Variants in ATE1 observed in about 807,000 individuals in gnomAD.
The protein encoded by ATE1 is arginyltransferase 1, also known as arginyl-tRNA--protein transferase 1.
ATE1 carries 36 observed loss-of-function variants against 70.5 expected under a neutral mutation model. That is an observed-to-expected ratio of 0.51 (90% CI 0.39 to 0.67). The LOEUF (loss-of-function observed/expected upper bound fraction) is 0.67. ATE1 is among the 30% of genes least tolerant of loss of function. ATE1 has a pLI of 0.00. For synonymous variants in ATE1, 232 were observed against 219.3 expected (o/e 1.06, Z -0.51); for missense variants, 593 against 629.5 (o/e 0.94, Z 0.62).
At position 121,859,808 on chromosome 10, in the gene ATE1, G is replaced by A. The variant is rs574092028; in HGVS notation, c.975+10198C>T. ...AATACAAAAATTAGCCAGGCATGGTGGCAGGTGCCTGTAATCCCAGCTATT... is the reference window on the plus strand; with the variant it reads ...AATACAAAAATTAGCCAGGCATGGTAGCAGGTGCCTGTAATCCCAGCTATT... On this transcript the variant is annotated intron_variant, in intron 8 of 11. Coordinates refer to ENST00000224652, the MANE Select transcript of ATE1 (RefSeq NM_001001976.3). 3.9e-5 allele frequency among the ~76,000 whole-genome samples: 6 copies of A among 152,222 alleles called. No homozygotes were observed. The South Asian group carries it at 1.2e-3, about 32-fold the overall frequency.
chr10:121,790,113 C>T (rs533720619), intron 11 of ATE1, 56 bp downstream of exon 11: 1 of 1,608,400 alleles, frequency 6.2e-7, no homozygotes, highest in East Asian at 2.2e-5. Context: ...GCCACACACA[C>T]ATGGATCATA....
At position 121,899,969 on chromosome 10, in the gene ATE1, G is replaced by C; in HGVS notation, c.839C>G (p.Pro280Arg). Residue 280 changes from proline to arginine, a missense_variant, in exon 7 of 12, where the codon CCA becomes CGA. By Grantham distance (103) the Pro-to-Arg change is moderately radical. Transcript: ENST00000224652. Reference sequence around the variant, plus strand: ...AAGTGTGGCTTTGAACTGCGAACTTGGTGGAGATGATCTCACCACCCTCAC... The same window carrying C: ...AAGTGTGGCTTTGAACTGCGAACTTCGTGGAGATGATCTCACCACCCTCAC... Reference protein sequence around the residue: ...LEVRVVRSSPPSSQFKATLLE... With the variant: ...LEVRVVRSSPRSSQFKATLLE... 1 of 1,613,676 alleles carries C rather than the reference G, an allele frequency of 6.2e-7. No homozygotes were observed. The highest frequency in any genetic ancestry group is 8.5e-7 in the Non-Finnish European group (1 of 1,179,796).
At chr10:121,774,237 C>T (rs770606255) in intron 11 of ATE1, among the ~76,000 whole-genome samples, 1 of 152,140 alleles carries the variant, frequency 6.6e-6, no homozygotes, top group Non-Finnish European at 1.5e-5. Context: ...CACTGGACTG[C>T]ATGAACTTTT....
intron 7 of ATE1, among the ~76,000 whole-genome samples, chr10:121,872,129 C>T (rs958302088): frequency 6.6e-6 from 1 of 151,898 alleles, no homozygotes; most frequent in Admixed American, 6.6e-5. Flanking sequence ...TATACAAATA[C>T]TTTTGAATTT....
chr10:121,832,940 A>AT (rs1185262763), intron 10 of ATE1, among the ~76,000 whole-genome samples: 56 of 152,208 alleles, frequency 3.7e-4, no homozygotes, highest in Admixed American at 3.7e-3. Context: ...TTTGGATGTC[A>AT]TTTATCAGTA....
At chr10:121,813,230 A>T (rs1023397995) in intron 10 of ATE1, among the ~76,000 whole-genome samples, 2 of 152,242 alleles carry the variant, frequency 1.3e-5, no homozygotes, top group African/African-American at 2.4e-5. Flanking sequence ...ACCACCTTAG[A>T]AACAGAGGAT....
intron 11 of ATE1, among the ~76,000 whole-genome samples, chr10:121,777,234 G>A (rs1162392409): frequency 3.9e-5 from 6 of 152,146 alleles, no homozygotes; most frequent in South Asian, 2.1e-4. Flanking sequence ...AATATTCAGC[G>A]TTCATGCTCC....
chr10:121,829,070 G>A (rs560220429), intron 10 of ATE1, among the ~76,000 whole-genome samples: 1 of 152,240 alleles, frequency 6.6e-6, no homozygotes, highest in South Asian at 2.1e-4. Context: ...GCTTACAAAT[G>A]TATTCCCAGT....
At chr10:121,908,531 A>G (rs983142281) in intron 5 of ATE1, among the ~76,000 whole-genome samples, 9 of 152,178 alleles carry the variant, frequency 5.9e-5, no homozygotes, top group African/African-American at 1.9e-4. Context: ...TGCCTTTGCT[A>G]TGGGTTTTTA....
At chr10:121,779,905 T>G (rs541745280) in intron 11 of ATE1, among the ~76,000 whole-genome samples, 2 of 152,338 alleles carry the variant, frequency 1.3e-5, no homozygotes, top group South Asian at 4.1e-4. Flanking sequence ...TTCCTGCTTC[T>G]GGAAAATGCT....
intron 11 of ATE1, among the ~76,000 whole-genome samples, chr10:121,752,029 T>TA (rs1213999909): frequency 3.3e-5 from 5 of 150,054 alleles, no homozygotes; most frequent in Non-Finnish European, 7.4e-5. Flanking sequence ...CCGTCTCTAC[T>TA]AAAAAAAATA....
At chr10:121,837,952 C>T (rs1160485796) in intron 9 of ATE1, among the ~76,000 whole-genome samples, 1 of 152,084 alleles carries the variant, frequency 6.6e-6, no homozygotes. Context: ...TTGTTCTGGC[C>T]CCAAACCTTG....
intron 10 of ATE1, among the ~76,000 whole-genome samples, chr10:121,832,229 G>C (rs1948267369): frequency 6.6e-6 from 1 of 152,154 alleles, no homozygotes; most frequent in African/African-American, 2.4e-5. Flanking sequence ...TAGCACAAAT[G>C]TACCAATTTC....
At chr10:121,748,228 G>T (rs1425597227) in intron 11 of ATE1, among the ~76,000 whole-genome samples, 1 of 152,098 alleles carries the variant, frequency 6.6e-6, no homozygotes, top group East Asian at 1.9e-4. Flanking sequence ...AAATAAGAAT[G>T]TGAGATCTGA....
chr10:121,789,700 G>T (rs1319489308), intron 11 of ATE1, among the ~76,000 whole-genome samples: 1 of 152,058 alleles, frequency 6.6e-6, no homozygotes, highest in Admixed American at 6.6e-5. Flanking sequence ...GGAAGGGTAC[G>T]CCAGAGATAC....
chr10:121,919,638 G>A (rs1951800644), intron 3 of ATE1, among the ~76,000 whole-genome samples: 1 of 151,986 alleles, frequency 6.6e-6, no homozygotes, highest in African/African-American at 2.4e-5. Flanking sequence ...AAAATGTGCT[G>A]GGCATGGTGG....
At chr10:121,817,943 T>C (rs1419902192) in intron 10 of ATE1, among the ~76,000 whole-genome samples, 1 of 152,134 alleles carries the variant, frequency 6.6e-6, no homozygotes, top group Non-Finnish European at 1.5e-5. Flanking sequence ...ATTTTACAAC[T>C]AAAATTTGAA....
At chr10:121,868,263 C>T (rs1949729867) in intron 8 of ATE1, among the ~76,000 whole-genome samples, 1 of 152,166 alleles carries the variant, frequency 6.6e-6, no homozygotes, top group Admixed American at 6.5e-5. Context: ...AAAAATCCAA[C>T]CACATTTTAT....
chr10:121,876,966 C>CAA (rs869058660), intron 7 of ATE1, among the ~76,000 whole-genome samples: 12 of 91,692 alleles, frequency 1.3e-4, no homozygotes, highest in Admixed American at 2.5e-4. Context: ...ACTCCAGTCT[C>CAA]AAAAAAAAAA....
Sources: allele counts gnomAD v4.1 joint callset (sites outside exome capture counted in the v4.1 genomes callset), GRCh38; gene constraint gnomAD v4.1.1; transcripts MANE v1.5; gene names NCBI Gene and HGNC (gene_info 2026-07-23, HGNC 2026-07-21).